Variants in PSD3 observed in about 807,000 individuals in gnomAD.
The protein encoded by PSD3 is PH and SEC7 domain-containing protein 3.
PSD3 carries 49 observed loss-of-function variants against 105.5 expected under a neutral mutation model. The observed-to-expected ratio is 0.46, with a 90% CI of 0.37 to 0.59. The LOEUF (loss-of-function observed/expected upper bound fraction) is 0.59. Among genes scored for constraint, PSD3 ranks in the 20% least tolerant of loss-of-function variants. The pLI, the probability that PSD3 is intolerant of heterozygous loss-of-function variation, is 0.00. For synonymous variants in PSD3, 557 were observed against 457.8 expected (o/e 1.22, Z -2.77); for missense variants, 1,561 against 1,263.8 (o/e 1.24, Z -3.57).
At chr8:18,987,444 C>T (rs973742272) in intron 1 of PSD3, among the ~76,000 whole-genome samples, 16 of 152,072 alleles carry the variant, frequency 1.1e-4, no homozygotes, top group East Asian at 1.9e-4. Flanking sequence ...CCCGCCACCA[C>T]GCCTGGCTAA....
In PSD3 at chr8:18,871,540, T is replaced by C. The variant is rs879290571; in HGVS notation, c.1238+86A>G. On this transcript the variant is annotated intron_variant, in intron 3 of 15. Coordinates refer to ENST00000327040, the MANE Select transcript of PSD3 (RefSeq NM_015310.4). ...ATAACAAGAACCCAAGGTATTGTGA[T>C]TGAGTTCTCATATCAAGTACAGGAT... 23 of 1,478,562 alleles carry C rather than the reference T, an allele frequency of 1.6e-5. No homozygotes were observed. The Middle Eastern group carries it at 1.2e-3, about 79-fold the overall frequency. The allele number at this position is 1,478,562 out of a possible 1,614,324, so 91.6% of individuals were successfully genotyped here.
At chr8:18,713,829 C>G (rs190335528) in intron 9 of PSD3, among the ~76,000 whole-genome samples, 4 of 152,184 alleles carry the variant, frequency 2.6e-5, no homozygotes, top group African/African-American at 9.6e-5. Context: ...CCAAGACAAT[C>G]CTAAGCAAAA....
chr8:18,976,267 A>T (rs2129472390), intron 1 of PSD3, among the ~76,000 whole-genome samples: 1 of 152,366 alleles, frequency 6.6e-6, no homozygotes, highest in South Asian at 2.1e-4. Context: ...CAGTTCACAA[A>T]AAAAGAAATA....
intron 9 of PSD3, among the ~76,000 whole-genome samples, chr8:18,713,515 A>C (rs907895339): frequency 1.3e-5 from 2 of 152,136 alleles, no homozygotes; most frequent in Non-Finnish European, 2.9e-5. Context: ...CAAATCATGA[A>C]TGAACTCCCA....
chr8:18,686,360 G>A (rs148973198), intron 9 of PSD3, among the ~76,000 whole-genome samples: 3 of 152,244 alleles, frequency 2.0e-5, no homozygotes, highest in Admixed American at 2.0e-4. Context: ...CTCGCATGAA[G>A]TATACCAGGA....
chr8:19,013,749 G>A, upstream of PSD3: 1 of 409,260 alleles, frequency 2.4e-6, no homozygotes, highest in East Asian at 8.6e-5. Context: ...TGGCGAGGCT[G>A]CGAGCCCGCG....
chr8:18,925,577 C>T (rs920572332), intron 2 of PSD3, among the ~76,000 whole-genome samples: 7 of 151,966 alleles, frequency 4.6e-5, no homozygotes, highest in Admixed American at 3.3e-4. Flanking sequence ...GGAGTGCCAA[C>T]GTAACACAAG....
chr8:18,941,272 T>C (rs564440070), intron 1 of PSD3, among the ~76,000 whole-genome samples: 2 of 152,308 alleles, frequency 1.3e-5, no homozygotes, highest in South Asian at 2.1e-4. Context: ...CTCGGCTCGA[T>C]AGTACCACGC....
chr8:18,692,247 T>G (rs1297896877), intron 9 of PSD3, among the ~76,000 whole-genome samples: 2 of 152,200 alleles, frequency 1.3e-5, no homozygotes, highest in Admixed American at 1.3e-4. Flanking sequence ...CCCACTGAGC[T>G]GACACTGAGA....
At chr8:18,658,719 G>C (rs1393664490) in intron 9 of PSD3, among the ~76,000 whole-genome samples, 8 of 151,894 alleles carry the variant, frequency 5.3e-5, no homozygotes. Flanking sequence ...AAATCCTACA[G>C]ATTAGTTAAG....
At chr8:18,987,418 G>GC (rs1204259793) in intron 1 of PSD3, among the ~76,000 whole-genome samples, 4 of 151,974 alleles carry the variant, frequency 2.6e-5, no homozygotes, top group African/African-American at 9.7e-5. Flanking sequence ...CTCCCAAGTA[G>GC]CTGGAACTAC....
intron 2 of PSD3, among the ~76,000 whole-genome samples, chr8:18,934,497 G>A (rs1035951265): frequency 1.3e-5 from 2 of 151,996 alleles, no homozygotes; most frequent in African/African-American, 4.8e-5. Context: ...TGCAAGCTCT[G>A]CCTCTCGGGT....
intron 13 of PSD3, 68 bp downstream of exon 13, chr8:18,575,059 TG>T: frequency 6.8e-7 from 1 of 1,477,218 alleles, no homozygotes; most frequent in Non-Finnish European, 9.0e-7. Context: ...AGCTTGATTT[TG>T]TTCCTTGCAA....
chr8:18,961,153 T>C (rs1303072065), intron 1 of PSD3, among the ~76,000 whole-genome samples: 1 of 152,184 alleles, frequency 6.6e-6, no homozygotes, highest in African/African-American at 2.4e-5. Flanking sequence ...GACAGTTTAC[T>C]ACTCTACTGA....
chr8:18,592,471 A>G (rs1288106477), intron 12 of PSD3, among the ~76,000 whole-genome samples: 4 of 152,328 alleles, frequency 2.6e-5, no homozygotes, highest in South Asian at 2.1e-4. Context: ...CACTTCTGAA[A>G]TCTGAGGAAG....
intron 9 of PSD3, among the ~76,000 whole-genome samples, chr8:18,673,489 G>A (rs778284454): frequency 2.6e-5 from 4 of 151,970 alleles, no homozygotes; most frequent in East Asian, 3.9e-4. Context: ...GCATTCCTTC[G>A]GTGCCATGGT....
intron 9 of PSD3, among the ~76,000 whole-genome samples, chr8:18,720,015 C>T (rs1210694877): frequency 6.6e-6 from 1 of 152,186 alleles, no homozygotes; most frequent in Non-Finnish European, 1.5e-5. Context: ...AGTTTTCTTG[C>T]CCTTAATGCC....
intron 9 of PSD3, among the ~76,000 whole-genome samples, chr8:18,665,680 A>G (rs1170452541): frequency 1.3e-5 from 2 of 152,192 alleles, no homozygotes; most frequent in East Asian, 1.9e-4. Flanking sequence ...CTACACAGAA[A>G]TCTTTCATGA....
rs554510132 is a variant in PSD3, at chr8:18,609,950, T to G, written c.2411-9516A>C. The stretch of plus-strand genomic sequence containing the variant: ...TACCACTGGGCTATGAGTCACACAG[T>G]ATTCCAGTATTCAGCAAGTGACAGT... On this transcript the variant is annotated intron_variant, in intron 11 of 15. Coordinates refer to ENST00000327040, the MANE Select transcript of PSD3 (RefSeq NM_015310.4). 3.3e-5 allele frequency among the ~76,000 whole-genome samples: 5 copies of G among 152,350 alleles called. 1 individual carries two copies. The highest frequency in any genetic ancestry group is 1.2e-4 in the African/African-American group (5 of 41,598).
Sources: allele counts gnomAD v4.1 joint callset (sites outside exome capture counted in the v4.1 genomes callset), GRCh38; gene constraint gnomAD v4.1.1; transcripts MANE v1.5; gene names NCBI Gene and HGNC (gene_info 2026-07-23, HGNC 2026-07-21).